TYW1B: variants seen among roughly 807,000 people sequenced by gnomAD.
The protein encoded by TYW1B is tRNA-yW synthesizing protein 1 homolog B, also known as S-adenosyl-L-methionine-dependent tRNA 4-demethylwyosine synthase TYW1B.
In TYW1B, 73 loss-of-function variants were observed where a neutral mutation model predicts 86.9. That is an observed-to-expected ratio of 0.84 (90% CI 0.70 to 1.02). TYW1B has a LOEUF of 1.02. Among genes scored for constraint, TYW1B ranks in the 50% least tolerant of loss-of-function variants. The pLI is 0.00. For synonymous variants in TYW1B, 248 were observed against 292.8 expected, an observed-to-expected ratio of 0.85 and a Z score of 1.56; for missense variants, 637 against 827.4, an observed-to-expected ratio of 0.77 and a Z score of 2.82.
At chr7:72,761,613 T>G (rs907866771) in intron 7 of TYW1B, among the ~76,000 whole-genome samples, 2 of 151,840 alleles carry the variant, frequency 1.3e-5, no homozygotes, top group Non-Finnish European at 2.9e-5. Context: ...ATTAAAGTTT[T>G]TTTTAATTTA....
rs782661582 is a variant in TYW1B, at chr7:72,777,459, T to A, written c.921A>T (p.Arg307Ser). The change falls in exon 7 of 14, where the codon AGA (arginine) becomes AGT (serine). Residue 307 changes from arginine (R) to serine (S), a missense_variant. By Grantham distance (110) the Arg-to-Ser change is moderately radical (BLOSUM62 -1). Transcript: ENST00000620995. ...NMGRNEDGER[R>S]AMITPALREA... ...CTCGGAGAGCAGGAGTTATCATAGC[T>A]CTTCTTTCACCATCTTCATTCCTCC... is the stretch of plus-strand genomic sequence containing the variant. 1 of 1,614,010 alleles carries A rather than the reference T, an allele frequency of 6.2e-7. No individual in the cohort carries two copies. Among genetic ancestry groups the A allele is most frequent in the Non-Finnish European group, 8.5e-7 (1 of 1,180,004 alleles).
chr7:72,673,116 C>T lies in TYW1B; in HGVS notation c.1506+21571G>A, dbSNP rs558852706. Among the ~76,000 whole-genome samples the T allele has an allele frequency of 7.9e-5, 12 of 152,204 alleles. No homozygotes were observed. The South Asian group carries it at 2.1e-3, about 26-fold the overall frequency. On this transcript the variant is annotated intron_variant, in intron 11 of 13. Coordinates refer to ENST00000620995, the MANE Select transcript of TYW1B (RefSeq NM_001145440.3). Reference sequence around the variant, plus strand: ...CCAGGAGGTGGAGGCTGCAGTGAGCCGAGATCGGCCACTGCACTCCAGCCT... The same window carrying T: ...CCAGGAGGTGGAGGCTGCAGTGAGCTGAGATCGGCCACTGCACTCCAGCCT...
At chr7:72,710,267 T>C (rs1452147012) in intron 10 of TYW1B, among the ~76,000 whole-genome samples, 1 of 152,186 alleles carries the variant, frequency 6.6e-6, no homozygotes, top group East Asian at 1.9e-4. Flanking sequence ...CCTTTCTTTA[T>C]GCATATACCC....
At chr7:72,821,622 G>A (rs1441539230) in intron 2 of TYW1B, among the ~76,000 whole-genome samples, 3 of 152,296 alleles carry the variant, frequency 2.0e-5, no homozygotes, top group South Asian at 2.1e-4. Context: ...GGTTGACAAT[G>A]GCATGGACCA....
intron 7 of TYW1B, among the ~76,000 whole-genome samples, chr7:72,776,556 CAA>C (rs67553013): frequency 6.6e-5 from 3 of 45,246 alleles, no homozygotes; most frequent in South Asian, 2.6e-3. Context: ...GACTCTGTCT[CAA>C]AAAAAAAAAA....
At chr7:72,736,890 G>A (rs1787205351) in intron 8 of TYW1B, among the ~76,000 whole-genome samples, 1 of 152,142 alleles carries the variant, frequency 6.6e-6, no homozygotes, top group Non-Finnish European at 1.5e-5. Context: ...ATGGACATCT[G>A]GAGTATATCT....
chr7:72,825,429 A>G (rs1490343313), intron 2 of TYW1B, among the ~76,000 whole-genome samples: 1 of 152,226 alleles, frequency 6.6e-6, no homozygotes, highest in Non-Finnish European at 1.5e-5. Flanking sequence ...CTGTAATCCC[A>G]GCACTTTGGG....
chr7:72,600,863 TA>T (rs551188598), intron 13 of TYW1B, among the ~76,000 whole-genome samples: 19 of 147,012 alleles, frequency 1.3e-4, no homozygotes, highest in Admixed American at 1.4e-4. Flanking sequence ...CCTTGTCTCT[TA>T]AAAAAAAAAG....
intron 7 of TYW1B, among the ~76,000 whole-genome samples, chr7:72,751,315 T>G (rs543184808): frequency 6.6e-6 from 1 of 152,220 alleles, no homozygotes; most frequent in East Asian, 1.9e-4. Context: ...TAGGACTACA[T>G]GCGTGAGCCA....
intron 12 of TYW1B, among the ~76,000 whole-genome samples, chr7:72,627,536 T>C (rs1284029155): frequency 2.6e-5 from 4 of 151,882 alleles, no homozygotes; most frequent in African/African-American, 9.6e-5. Flanking sequence ...TAAAATAAAA[T>C]GTCATCTCAG....
rs782754416 is a variant in TYW1B, at chr7:72,807,235, G to T, written c.554C>A (p.Ala185Glu). 1.5e-4 allele frequency: 248 copies of T among 1,614,010 alleles called. 1 individual carries two copies. The highest frequency in any genetic ancestry group is 2.1e-4 in the Non-Finnish European group (244 of 1,180,040). ...KHGSIEANFRAWKTKFISQLQ... is the reference protein window; with the variant it reads ...KHGSIEANFREWKTKFISQLQ... ...CTGGGAGATGAACTTGGTCTTCCAT[G>T]CTCTGAAGTTGGCCTCAATGCTGCC... The change falls in exon 5 of 14, where the codon GCA (alanine) becomes GAA (glutamate). Residue 185 changes from alanine to glutamate, a missense_variant. By Grantham distance (107) the Ala-to-Glu change is moderately radical. Transcript: ENST00000620995.
intron 13 of TYW1B, among the ~76,000 whole-genome samples, chr7:72,579,180 A>C (rs1455991503): frequency 1.3e-5 from 2 of 152,174 alleles, no homozygotes; most frequent in Non-Finnish European, 2.9e-5. Flanking sequence ...TTCATAAGAG[A>C]ACTGCTGGCT....
chr7:72,703,175 C>T (rs2960971), intron 10 of TYW1B, among the ~76,000 whole-genome samples: 117,673 of 150,958 alleles, frequency 0.78, 46,502 homozygotes, highest in Middle Eastern at 0.86. Context: ...CAGGCGCCCA[C>T]CACTGCGCAT....
chr7:72,759,097 G>T (rs771014220), intron 7 of TYW1B, among the ~76,000 whole-genome samples: 1 of 152,172 alleles, frequency 6.6e-6, no homozygotes, highest in Non-Finnish European at 1.5e-5. Context: ...GTGCGAGGCC[G>T]AGGCAGGCAG....
At chr7:72,781,598 C>T (rs1373692713) in intron 6 of TYW1B, among the ~76,000 whole-genome samples, 1 of 152,144 alleles carries the variant, frequency 6.6e-6, no homozygotes, top group Non-Finnish European at 1.5e-5. Context: ...GAGCCCACTG[C>T]CCAGTAAAAC....
chr7:72,737,147 A>G (rs1455662599), intron 8 of TYW1B, among the ~76,000 whole-genome samples: 2 of 152,244 alleles, frequency 1.3e-5, no homozygotes, highest in Non-Finnish European at 2.9e-5. Flanking sequence ...TGAGGCTCAG[A>G]GGCTATTTTA....
At position 72,653,555 on chromosome 7, in the gene TYW1B, C is replaced by T. The variant is rs1295996275; in HGVS notation, c.1507-24558G>A. Among the ~76,000 whole-genome samples, 8 of 151,544 alleles carry T rather than the reference C, an allele frequency of 5.3e-5. No homozygotes were observed. The South Asian group carries it at 8.4e-4, about 16-fold the overall frequency. ...CTGGGAGGCGGAGCTTGCAGTGAGC[C>T]AAGATCATGCCACTGCACTCCAGCC... On this transcript the variant is annotated intron_variant, in intron 11 of 13. Coordinates refer to ENST00000620995, the MANE Select transcript of TYW1B (RefSeq NM_001145440.3).
chr7:72,799,667 G>A (rs1355436348), intron 6 of TYW1B, among the ~76,000 whole-genome samples: 5 of 151,834 alleles, frequency 3.3e-5, no homozygotes, highest in Admixed American at 2.0e-4. Flanking sequence ...GGGTTTCACC[G>A]TGTTAGCCAG....
intron 2 of TYW1B, 38 bp from the exon 3 acceptor site, chr7:72,815,519 A>G (rs782528997): frequency 1.3e-6 from 2 of 1,571,394 alleles, no homozygotes; most frequent in South Asian, 1.2e-5. Flanking sequence ...AAAGTCTTCA[A>G]TGAGCCAAAT....
Sources: gnomAD v4.1 joint callset for allele counts (sites outside exome capture counted in the v4.1 genomes callset) on GRCh38, gnomAD v4.1.1 for gene constraint, MANE v1.5 for transcripts, NCBI Gene and HGNC (gene_info 2026-07-23, HGNC 2026-07-21) for gene names.